The following PRDM16 variants were observed in gnomAD, a reference collection of about 807,000 sequenced individuals.
The protein encoded by PRDM16 is histone-lysine N-methyltransferase PRDM16.
A neutral mutation model predicts 110.6 loss-of-function variants in PRDM16; 23 were observed. The ratio of observed to expected loss-of-function variants is 0.21; its 90% CI spans 0.15 to 0.29. PRDM16 has a LOEUF of 0.29. Ranked by LOEUF, PRDM16 falls within the 10% of genes least tolerant of loss-of-function variation. The probability of loss-of-function intolerance (pLI) is 1.00; values close to 1 mark genes in which losing one functional copy is unlikely to be tolerated. For synonymous variants in PRDM16, 799 were observed against 781.8 expected (o/e 1.02, Z -0.37); for missense variants, 1,615 against 1,794.3 (o/e 0.90, Z 1.81).
At chr1:3,402,285 C>A (rs1486033080) in intron 5 of PRDM16, among the ~76,000 whole-genome samples, 2 of 152,170 alleles carry the variant, frequency 1.3e-5, no homozygotes, top group African/African-American at 4.8e-5. Flanking sequence ...ACCGGGATGA[C>A]AGCTCCAGGC....
At position 3,228,935 on chromosome 1, in the gene PRDM16, G is replaced by A. The variant is rs368868248; in HGVS notation, c.388-15152G>A. ...AACCTCACCCCTCTTTTCAGTCCTT[G>A]GGAAGAGCAAATAAATCACACTGCA... is the stretch of plus-strand genomic sequence containing the variant. On this transcript the variant is annotated intron_variant, in intron 2 of 16. Coordinates refer to ENST00000270722, the MANE Select transcript of PRDM16 (RefSeq NM_022114.4). Among the ~76,000 whole-genome samples, 128 of 152,304 alleles carry A rather than the reference G, an allele frequency of 8.4e-4. 1 individual carries two copies. The highest frequency in any genetic ancestry group is 2.9e-3 in the African/African-American group (121 of 41,582).
intron 2 of PRDM16, among the ~76,000 whole-genome samples, chr1:3,210,799 C>T (rs1014407579): frequency 6.6e-6 from 1 of 152,160 alleles, no homozygotes; most frequent in Non-Finnish European, 1.5e-5. Context: ...TTCATTCATT[C>T]GTTAGATATC....
Position 3,333,864 on chromosome 1 carries a change from A to G in PRDM16, c.439-51288A>G, listed in dbSNP as rs932011576. On this transcript the variant is annotated intron_variant, in intron 3 of 16. Transcript: ENST00000270722. Reference sequence around the variant, plus strand: ...CCAGCCTCTCCCTCTTGCCCACTCTATCACATGTCACACGCAGGCTCCCCT... The same window carrying G: ...CCAGCCTCTCCCTCTTGCCCACTCTGTCACATGTCACACGCAGGCTCCCCT... Among the ~76,000 whole-genome samples, 3 of 152,228 alleles carry G rather than the reference A, an allele frequency of 2.0e-5. No individual in the cohort carries two copies. The South Asian group carries it at 6.2e-4, about 32-fold the overall frequency.
intron 3 of PRDM16, among the ~76,000 whole-genome samples, chr1:3,253,054 C>T (rs979811090): frequency 2.0e-5 from 3 of 152,144 alleles, no homozygotes; most frequent in African/African-American, 4.8e-5. Context: ...TTGTCACCCT[C>T]GCTTACAGAA....
At chr1:3,281,942 G>A (rs1040209568) in intron 3 of PRDM16, among the ~76,000 whole-genome samples, 2 of 152,220 alleles carry the variant, frequency 1.3e-5, no homozygotes, top group Non-Finnish European at 2.9e-5. Flanking sequence ...GTGGGCGCCC[G>A]CAGCCCTGGA....
intron 3 of PRDM16, among the ~76,000 whole-genome samples, chr1:3,298,643 G>A (rs1641141233): frequency 6.6e-6 from 1 of 152,080 alleles, no homozygotes; most frequent in South Asian, 2.1e-4. Flanking sequence ...CTTAGCTAAA[G>A]AGACTCTCCT....
intron 4 of PRDM16, among the ~76,000 whole-genome samples, chr1:3,386,365 T>C (rs1643198646): frequency 6.6e-6 from 1 of 152,274 alleles, no homozygotes; most frequent in South Asian, 2.1e-4. Context: ...GAAACAATTT[T>C]GCATTAAGAA....
chr1:3,241,545 C>A (rs1233650680), intron 2 of PRDM16, among the ~76,000 whole-genome samples: 2 of 152,216 alleles, frequency 1.3e-5, no homozygotes, highest in African/African-American at 4.8e-5. Flanking sequence ...GTAACGCCTT[C>A]AACTATTGGG....
At chr1:3,136,442 G>A (rs1340240550) in intron 1 of PRDM16, among the ~76,000 whole-genome samples, 1 of 152,174 alleles carries the variant, frequency 6.6e-6, no homozygotes, top group Non-Finnish European at 1.5e-5. Flanking sequence ...ACCCAGGCCT[G>A]ACCCCCTCTA....
Position 3,358,397 on chromosome 1 carries a change from G to A in PRDM16, c.439-26755G>A, listed in dbSNP as rs531529512. 1.3e-5 allele frequency among the ~76,000 whole-genome samples: 2 copies of A among 152,342 alleles called. No homozygotes were observed. The highest frequency in any genetic ancestry group is 2.9e-5 in the Non-Finnish European group (2 of 68,034). On this transcript the variant is annotated intron_variant, in intron 3 of 16. Transcript: ENST00000270722. The surrounding 1 kb of genome is among the most constrained non-coding windows in gnomAD (Gnocchi z 4.0). ...GCAGTGGGTGGCAGCCATGGGGACT[G>A]ATGGCAAAAGACCTCGGCGGGTACA...
chr1:3,104,756 G>A (rs1048853532), intron 1 of PRDM16, among the ~76,000 whole-genome samples: 1 of 151,820 alleles, frequency 6.6e-6, no homozygotes. Flanking sequence ...CCTGGCCCTC[G>A]CTGTGCATTC....
rs561744726 is a variant in PRDM16 at position 3,245,598 on chromosome 1, C to T, written c.438+1461C>T. On this transcript the variant is annotated intron_variant, in intron 3 of 16. Coordinates refer to ENST00000270722, the MANE Select transcript of PRDM16 (RefSeq NM_022114.4). This position sits in a 1 kb window ranked among gnomAD's most constrained non-coding sequence, Gnocchi z 4.7. ...CTTTTGTCCAAGGACAAGGTGTCGG[C>T]TCTCAGTCCCCGCCGTCCACAGGAT... is the stretch of plus-strand genomic sequence containing the variant. Among the ~76,000 whole-genome samples the T allele has an allele frequency of 6.6e-6, 1 of 152,326 alleles. No homozygotes were observed. Among genetic ancestry groups the T allele is most frequent in the East Asian group, 1.9e-4 (1 of 5,190 alleles).
In PRDM16 at chr1:3,231,570, A is replaced by G. The variant is rs528231764; in HGVS notation, c.388-12517A>G. 1.8e-4 allele frequency among the ~76,000 whole-genome samples: 28 copies of G among 152,264 alleles called. 4 individuals are homozygous for G. The South Asian group carries it at 5.8e-3, about 32-fold the overall frequency. On this transcript the variant is annotated intron_variant, in intron 2 of 16. Coordinates refer to ENST00000270722, the MANE Select transcript of PRDM16 (RefSeq NM_022114.4). ...AAGCGCTGGCTTGGGGCCCAGGATT[A>G]TTTGCCTGGTTTCTGCCGTCCTTCC... is the stretch of plus-strand genomic sequence containing the variant.
In PRDM16 at chr1:3,142,497, G is replaced by A. The variant is rs375084197; in HGVS notation, c.38-43628G>A. Among the ~76,000 whole-genome samples the A allele has an allele frequency of 2.7e-4, 41 of 150,534 alleles. No individual in the cohort carries two copies. The East Asian group carries it at 4.9e-3, about 18-fold the overall frequency. ...ATTGCTCCTTGGTCTCGGGGCAGGC[G>A]CCGTCGAACGGGATGCACAAAAGCA... On this transcript the variant is annotated intron_variant, in intron 1 of 16. Coordinates refer to ENST00000270722, the MANE Select transcript of PRDM16 (RefSeq NM_022114.4).
rs1643945140 is a variant in PRDM16, at chr1:3,165,614, CT to C, written c.38-20510del. On this transcript the variant is annotated intron_variant, in intron 1 of 16. Transcript: ENST00000270722. ...GCCCAGGGACAGGGACTCACCTGGG[CT>C]CAGGGACAGGGACTCACCTGGGCTC... is the stretch of plus-strand genomic sequence containing the variant. Among the ~76,000 whole-genome samples the C allele has an allele frequency of 2.4e-5, 3 of 126,150 alleles. 1 individual carries two copies. Among genetic ancestry groups the C allele is most frequent in the African/African-American group, 1.0e-4 (3 of 29,648 alleles). The allele number at this position is 126,150 out of a possible 152,430, so 82.8% of individuals were successfully genotyped here.
chr1:3,428,454 A>G (rs1029304229), intron 14 of PRDM16, among the ~76,000 whole-genome samples: 40 of 152,274 alleles, frequency 2.6e-4, no homozygotes, highest in African/African-American at 8.7e-4. Context: ...GAGGCTCTCC[A>G]CACCTCAGAA....
At chr1:3,414,782 G>C in intron 10 of PRDM16, 135 bp downstream of exon 10, 2 of 667,794 alleles carry the variant, frequency 3.0e-6, no homozygotes, top group Non-Finnish European at 5.3e-6. Context: ...CGCCCTCAAA[G>C]GCAGAGGAGG....
intron 2 of PRDM16, among the ~76,000 whole-genome samples, chr1:3,234,524 G>A (rs2100893743): frequency 6.6e-6 from 1 of 152,310 alleles, no homozygotes; most frequent in East Asian, 1.9e-4. Context: ...GCCTGGTCCA[G>A]CAAGAGGCCC....
At chr1:3,095,139 G>A (rs909120180) in intron 1 of PRDM16, among the ~76,000 whole-genome samples, 2 of 152,204 alleles carry the variant, frequency 1.3e-5, no homozygotes, top group African/African-American at 2.4e-5. Flanking sequence ...TGCCTGTGAT[G>A]AGAAGGCCCC....
Sources: allele counts gnomAD v4.1 joint callset (sites outside exome capture counted in the v4.1 genomes callset), GRCh38; gene constraint gnomAD v4.1.1; non-coding constraint Gnocchi (gnomAD v3.1); transcripts MANE v1.5; gene names NCBI Gene and HGNC (gene_info 2026-07-23, HGNC 2026-07-21).